Variants in SLC24A3 observed in about 807,000 individuals in gnomAD.
The protein encoded by SLC24A3 is solute carrier family 24 member 3, also known as sodium/potassium/calcium exchanger 3.
SLC24A3 carries 28 observed loss-of-function variants against 75.8 expected under a neutral mutation model. The ratio of observed to expected loss-of-function variants is 0.37; its 90% CI spans 0.27 to 0.51. The LOEUF (loss-of-function observed/expected upper bound fraction) is 0.51, where lower values mean the gene tolerates loss of function less well. Among genes scored for constraint, SLC24A3 ranks in the 20% least tolerant of loss-of-function variants. The pLI is 0.94. For synonymous variants in SLC24A3, 372 were observed against 334.1 expected (o/e 1.11, Z -1.24); for missense variants, 663 against 847.8 (o/e 0.78, Z 2.71).
At chr20:19,278,082 A>G (rs913476309) in intron 1 of SLC24A3, among the ~76,000 whole-genome samples, 2 of 152,192 alleles carry the variant, frequency 1.3e-5, no homozygotes, top group African/African-American at 2.4e-5. Context: ...TGCAGCTTCT[A>G]GCACCTTCCT....
At chr20:19,576,458 G>C (rs2031136195) in intron 3 of SLC24A3, among the ~76,000 whole-genome samples, 2 of 152,088 alleles carry the variant, frequency 1.3e-5, no homozygotes, top group Non-Finnish European at 2.9e-5. Flanking sequence ...GTGTTTTGTA[G>C]CCAGAGTGGC....
At chr20:19,611,568 G>C (rs1409692814) in intron 6 of SLC24A3, among the ~76,000 whole-genome samples, 2 of 152,202 alleles carry the variant, frequency 1.3e-5, no homozygotes, top group Admixed American at 6.5e-5. Flanking sequence ...CTTTCCAAAG[G>C]CTTTTTTGAC....
chr20:19,221,423 C>T (rs999840506), intron 1 of SLC24A3, among the ~76,000 whole-genome samples: 4 of 152,204 alleles, frequency 2.6e-5, no homozygotes, highest in African/African-American at 9.6e-5. Context: ...GAAAGCCCTG[C>T]TCCCTGGAAC....
Position 19,654,091 on chromosome 20 carries a change from G to C in SLC24A3, c.642G>C (p.Leu214=). 1 of 1,613,742 alleles carries C rather than the reference G, an allele frequency of 6.2e-7. No individual in the cohort carries two copies. Among genetic ancestry groups the C allele is most frequent in the Non-Finnish European group, 8.5e-7 (1 of 1,179,766 alleles). Residue 214 remains leucine, a synonymous_variant, in exon 7 of 17, where the codon CTG becomes CTC. Transcript: ENST00000328041. ...QVVALSSWCL[L]RDSIYYTLSV... is the part of the protein sequence containing the mutation. ...TGGCTCTTTCCTCCTGGTGCCTGCTGAGGGATTCTATTTACTACACGCTGT... is the reference window on the plus strand; with the variant it reads ...TGGCTCTTTCCTCCTGGTGCCTGCTCAGGGATTCTATTTACTACACGCTGT...
intron 2 of SLC24A3, among the ~76,000 whole-genome samples, chr20:19,387,614 A>G (rs920676465): frequency 2.0e-5 from 3 of 152,136 alleles, no homozygotes; most frequent in Non-Finnish European, 4.4e-5. Context: ...TTAATTCCAC[A>G]TATTTGTGAA....
rs143006926 is a variant in SLC24A3 at position 19,646,476 on chromosome 20, A to G, written c.613-7586A>G. ...AACTTTTATAATAAGCCAACCCCACATTGTGATGGAGTAATTACTATTAAA... is the reference window on the plus strand; with the variant it reads ...AACTTTTATAATAAGCCAACCCCACGTTGTGATGGAGTAATTACTATTAAA... On this transcript the variant is annotated intron_variant, in intron 6 of 16. Transcript: ENST00000328041. Among the ~76,000 whole-genome samples the G allele has an allele frequency of 5.1e-3, 783 of 152,300 alleles. 6 individuals are homozygous for G. Among genetic ancestry groups the G allele is most frequent in the African/African-American group, 0.016 (682 of 41,566 alleles).
intron 6 of SLC24A3, among the ~76,000 whole-genome samples, chr20:19,645,271 G>A (rs529291860): frequency 6.6e-6 from 1 of 152,324 alleles, no homozygotes; most frequent in East Asian, 1.9e-4. Flanking sequence ...CAGAGTGTCA[G>A]GGGCGCATAG....
In SLC24A3 at chr20:19,461,080, G is replaced by A. The variant is rs150311791; in HGVS notation, c.272-54408G>A. Among the ~76,000 whole-genome samples the A allele has an allele frequency of 6.6e-4, 101 of 152,330 alleles. 1 individual carries two copies. The highest frequency in any genetic ancestry group is 7.8e-4 in the Admixed American group (12 of 15,304). The stretch of plus-strand genomic sequence containing the variant: ...TCCAGTTTCTGGAAGAGATCAAGGT[G>A]AGGCTGACGGACTTCCATATCTGGA... On this transcript the variant is annotated intron_variant, in intron 2 of 16. Transcript: ENST00000328041.
At chr20:19,593,131 T>A (rs2031403022) in intron 6 of SLC24A3, among the ~76,000 whole-genome samples, 1 of 152,196 alleles carries the variant, frequency 6.6e-6, no homozygotes, top group African/African-American at 2.4e-5. Context: ...GCCCAGAGTC[T>A]TACCATCATG....
intron 14 of SLC24A3, 36 bp downstream of exon 14, chr20:19,696,947 GAGGGAGGAGGAGAGGGAGGGAAGA>G: frequency 1.3e-6 from 1 of 756,762 alleles, no homozygotes; most frequent in Non-Finnish European, 2.2e-6. Context: ...AGGAGGGAGG[GAGGGAGGAGGAGAGGGAGGGAAGA>G]AGGGAGGGAG....
At chr20:19,416,157 A>C (rs1333661790) in intron 2 of SLC24A3, among the ~76,000 whole-genome samples, 5 of 152,186 alleles carry the variant, frequency 3.3e-5, no homozygotes, top group Admixed American at 2.0e-4. Context: ...GACTCATCCC[A>C]TCCCCCACCA....
At chr20:19,220,683 A>G (rs1284799485) in intron 1 of SLC24A3, among the ~76,000 whole-genome samples, 1 of 152,256 alleles carries the variant, frequency 6.6e-6, no homozygotes, top group Non-Finnish European at 1.5e-5. Flanking sequence ...GAGGGTAAAC[A>G]TTACATCTAT....
intron 1 of SLC24A3, among the ~76,000 whole-genome samples, chr20:19,258,082 A>G (rs1481304183): frequency 1.3e-5 from 2 of 152,246 alleles, no homozygotes; most frequent in Admixed American, 6.5e-5. Context: ...GCACTCAGGT[A>G]GTTTCCTGTT....
At chr20:19,546,370 C>T (rs1019191505) in intron 3 of SLC24A3, among the ~76,000 whole-genome samples, 1 of 152,116 alleles carries the variant, frequency 6.6e-6, no homozygotes, top group Non-Finnish European at 1.5e-5. Context: ...AACTAGGCCA[C>T]ATTCCTGTGA....
At chr20:19,515,690 G>C in intron 3 of SLC24A3, 126 bp downstream of exon 3, 1 of 899,802 alleles carries the variant, frequency 1.1e-6, no homozygotes, top group Non-Finnish European at 1.8e-6. Flanking sequence ...CCTGGTGGGG[G>C]TCCTTCGAGC....
At chr20:19,466,624 G>A (rs1026173038) in intron 2 of SLC24A3, among the ~76,000 whole-genome samples, 1 of 152,164 alleles carries the variant, frequency 6.6e-6, no homozygotes, top group Non-Finnish European at 1.5e-5. Context: ...CCATGGCTCT[G>A]ATAAGTCGCC....
At chr20:19,497,569 T>TGCATAA (rs11473206) in intron 2 of SLC24A3, among the ~76,000 whole-genome samples, 144,466 of 152,014 alleles carry the variant, frequency 0.95, 68,724 homozygotes, top group Middle Eastern at 1. Flanking sequence ...GGTTAGGGTT[T>TGCATAA]GCACATTTTT....
At chr20:19,363,789 A>G (rs542479418) in intron 2 of SLC24A3, among the ~76,000 whole-genome samples, 1 of 152,314 alleles carries the variant, frequency 6.6e-6, no homozygotes, top group South Asian at 2.1e-4. Context: ...TTTTCTTTGT[A>G]TGTTACACGT....
chr20:19,280,902 G>T, intron 1 of SLC24A3, 57 bp from the exon 2 acceptor site: 1 of 1,581,694 alleles, frequency 6.3e-7, no homozygotes, highest in East Asian at 2.3e-5. Context: ...ATGCAGCGTC[G>T]GCAGAGGCTG....
Sources: gnomAD v4.1 joint callset for allele counts (sites outside exome capture counted in the v4.1 genomes callset) on GRCh38, gnomAD v4.1.1 for gene constraint, MANE v1.5 for transcripts, NCBI Gene and HGNC (gene_info 2026-07-23, HGNC 2026-07-21) for gene names.